The following LHFPL2 variants were observed in gnomAD, a reference collection of about 807,000 sequenced individuals.
LHFPL2 encodes LHFPL tetraspan subfamily member 2.
A neutral mutation model predicts 17.5 loss-of-function variants in LHFPL2; 7 were observed. The ratio of observed to expected loss-of-function variants is 0.40; its 90% CI spans 0.23 to 0.75. The LOEUF is 0.75. Among genes scored for constraint, LHFPL2 ranks in the 30% least tolerant of loss-of-function variants. The pLI, the probability that LHFPL2 is intolerant of heterozygous loss-of-function variation, is 0.37. For synonymous variants in LHFPL2, 134 were observed against 116.2 expected, an observed-to-expected ratio of 1.15 and a Z score of -0.99; for missense variants, 241 against 294.8, an observed-to-expected ratio of 0.82 and a Z score of 1.34.
At chr5:78,559,359 A>C (rs1023496142) in intron 3 of LHFPL2, among the ~76,000 whole-genome samples, 3 of 152,202 alleles carry the variant, frequency 2.0e-5, no homozygotes, top group Non-Finnish European at 2.9e-5. Context: ...CAGACATTGC[A>C]CTGGGCATCG....
At chr5:78,634,848 G>A (rs1405206910) in intron 1 of LHFPL2, among the ~76,000 whole-genome samples, 1 of 152,172 alleles carries the variant, frequency 6.6e-6, no homozygotes, top group Non-Finnish European at 1.5e-5. Flanking sequence ...TGAGTACCAT[G>A]CCCCCTTGAG....
chr5:78,498,170 G>A (rs549990689), intron 4 of LHFPL2, among the ~76,000 whole-genome samples: 57 of 152,320 alleles, frequency 3.7e-4, no homozygotes, highest in African/African-American at 1.2e-3. Context: ...ACACCACTGC[G>A]AAGGTACCAG....
At chr5:78,645,692 C>A (rs1745850844) in intron 1 of LHFPL2, among the ~76,000 whole-genome samples, 1 of 152,168 alleles carries the variant, frequency 6.6e-6, no homozygotes, top group Non-Finnish European at 1.5e-5. Flanking sequence ...AAGCGATTCT[C>A]CTACCTCAGC....
rs73140195 is a variant in LHFPL2, at chr5:78,516,549, C to T, written c.-185-6151G>A. Among the ~76,000 whole-genome samples, 619 of 152,254 alleles carry T rather than the reference C, an allele frequency of 4.1e-3. 6 individuals carry two copies. The highest frequency in any genetic ancestry group is 0.014 in the African/African-American group (594 of 41,534). ...TGTCAGTATCGTCAATGTTGAGAAACCCTGCTCTGGGGGCTTCTCACAGAG... is the reference window on the plus strand; with the variant it reads ...TGTCAGTATCGTCAATGTTGAGAAATCCTGCTCTGGGGGCTTCTCACAGAG... On this transcript the variant is annotated intron_variant, in intron 3 of 4. Transcript: ENST00000380345.
chr5:78,501,154 G>A (rs934499033), intron 4 of LHFPL2, among the ~76,000 whole-genome samples: 1 of 152,066 alleles, frequency 6.6e-6, no homozygotes, highest in Non-Finnish European at 1.5e-5. Context: ...AAAGATTGTT[G>A]GGAGGGCAAC....
Position 78,510,022 on chromosome 5 carries a change from G to A in LHFPL2, c.192C>T (p.Tyr64=), listed in dbSNP as rs547064578. 2 of 1,612,280 alleles carry A rather than the reference G, an allele frequency of 1.2e-6. No individual in the cohort carries two copies. The highest frequency in any genetic ancestry group is 1.3e-5 in the African/African-American group (1 of 75,038). ...PEPYHPTLGI[Y]ARCIRNPGVQ... ...CCCCTGGGTTCCGGATGCAGCGGGC[G>A]TAGATGCCCAGGGTGGGGTGGTAGG... is the stretch of plus-strand genomic sequence containing the variant. The change falls in exon 4 of 5, where the codon TAC becomes TAT. Residue 64 remains tyrosine (Y), a synonymous_variant. Coordinates refer to ENST00000380345, the MANE Select transcript of LHFPL2 (RefSeq NM_005779.3).
intron 3 of LHFPL2, among the ~76,000 whole-genome samples, chr5:78,542,354 C>T (rs967552019): frequency 4.6e-5 from 7 of 152,290 alleles, no homozygotes; most frequent in African/African-American, 1.7e-4. Flanking sequence ...CATCCAAGCG[C>T]CCTTGTCCCT....
chr5:78,647,839 A>C (rs1488779463), intron 1 of LHFPL2, among the ~76,000 whole-genome samples: 2 of 152,044 alleles, frequency 1.3e-5, no homozygotes, highest in African/African-American at 4.8e-5. Flanking sequence ...GAAAAAAAAA[A>C]ACTGTGTGCC....
At chr5:78,503,195 T>C (rs1241522053) in intron 4 of LHFPL2, among the ~76,000 whole-genome samples, 2 of 152,246 alleles carry the variant, frequency 1.3e-5, no homozygotes, top group Non-Finnish European at 2.9e-5. Context: ...GAACTGCTCA[T>C]GTAAATATTC....
At chr5:78,533,960 G>A (rs1755862336) in intron 3 of LHFPL2, among the ~76,000 whole-genome samples, 1 of 152,246 alleles carries the variant, frequency 6.6e-6, no homozygotes, top group Admixed American at 6.5e-5. Context: ...CAGCAGAGAT[G>A]CCAAATGCTC....
At position 78,487,171 on chromosome 5, in the gene LHFPL2, C is replaced by T. The variant is rs1162934105; in HGVS notation, c.*1726G>A. On this transcript the variant is annotated 3_prime_UTR_variant, in exon 5 of 5. Coordinates refer to ENST00000380345, the MANE Select transcript of LHFPL2 (RefSeq NM_005779.3). ...AAGGCTAGTTCCACACCTCCCACCC[C>T]TTTTGCCCTTAGCCCTTAATCTGTG... is the stretch of plus-strand genomic sequence containing the variant. 1 of 152,162 alleles carries T rather than the reference C, an allele frequency of 6.6e-6. No homozygotes were observed. 9.4% of individuals were successfully genotyped at this position (152,162 alleles called of 1,614,324 possible).
At chr5:78,623,603 C>T (rs1274178300) in intron 2 of LHFPL2, among the ~76,000 whole-genome samples, 1 of 151,976 alleles carries the variant, frequency 6.6e-6, no homozygotes, top group African/African-American at 2.4e-5. Context: ...TCTAAAATAC[C>T]CTCCATAAAT....
chr5:78,579,929 C>A (rs1454473736), intron 2 of LHFPL2, among the ~76,000 whole-genome samples: 3 of 152,214 alleles, frequency 2.0e-5, no homozygotes, highest in Non-Finnish European at 4.4e-5. Context: ...GCCACACTGA[C>A]TTCCACAATG....
intron 2 of LHFPL2, among the ~76,000 whole-genome samples, chr5:78,578,750 T>C (rs1013699363): frequency 6.6e-6 from 1 of 152,192 alleles, no homozygotes; most frequent in African/African-American, 2.4e-5. Flanking sequence ...CTCTGGGAAA[T>C]GTCTTCCAGG....
chr5:78,589,900 A>T (rs1337230318), intron 2 of LHFPL2, among the ~76,000 whole-genome samples: 2 of 152,244 alleles, frequency 1.3e-5, no homozygotes, highest in Non-Finnish European at 2.9e-5. Flanking sequence ...GGATTGGTTC[A>T]TTTGACAATT....
intron 3 of LHFPL2, among the ~76,000 whole-genome samples, chr5:78,545,569 G>A (rs11949567): frequency 0.36 from 54,991 of 152,058 alleles, 10,930 homozygotes; most frequent in Middle Eastern, 0.47. Flanking sequence ...TCCATGAGAC[G>A]AACTCACTAC....
chr5:78,599,238 T>C (rs1312363722), intron 2 of LHFPL2, among the ~76,000 whole-genome samples: 1 of 152,122 alleles, frequency 6.6e-6, no homozygotes, highest in Non-Finnish European at 1.5e-5. Flanking sequence ...GAGACGACCA[T>C]GATTACTAGA....
At position 78,487,693 on chromosome 5, in the gene LHFPL2, C is replaced by G. The variant is rs1282682460; in HGVS notation, c.*1204G>C. 6.6e-6 allele frequency: 1 copy of G among 152,160 alleles called. No individual in the cohort carries two copies. Among genetic ancestry groups the G allele is most frequent in the Non-Finnish European group, 1.5e-5 (1 of 68,020 alleles). The allele number at this position is 152,160 out of a possible 1,614,324, so 9.4% of individuals were successfully genotyped here. A position where few individuals can be genotyped will look rare whatever the true frequency, so the allele number is the denominator to read the frequency against. Reference sequence around the variant, plus strand: ...AGTGGTATTTGATTCTTTTTGTAAACAGGTGTAGGCAGTGCTGTGACCTTG... The same window carrying G: ...AGTGGTATTTGATTCTTTTTGTAAAGAGGTGTAGGCAGTGCTGTGACCTTG... On this transcript the variant is annotated 3_prime_UTR_variant, in exon 5 of 5. Coordinates refer to ENST00000380345, the MANE Select transcript of LHFPL2 (RefSeq NM_005779.3).
chr5:78,544,283 C>T (rs1212609952), intron 3 of LHFPL2, among the ~76,000 whole-genome samples: 2 of 152,238 alleles, frequency 1.3e-5, no homozygotes, highest in African/African-American at 4.8e-5. Flanking sequence ...CATCCTTGCA[C>T]AGGCATCTGG....
Sources: gnomAD v4.1 joint callset for allele counts (sites outside exome capture counted in the v4.1 genomes callset) on GRCh38, gnomAD v4.1.1 for gene constraint, MANE v1.5 for transcripts, NCBI Gene and HGNC (gene_info 2026-07-23, HGNC 2026-07-21) for gene names.